Variants in FANCB observed in about 807,000 individuals in gnomAD.
The protein encoded by FANCB is Fanconi anemia group B protein.
FANCB carries 5 observed loss-of-function variants against 38.9 expected under a neutral mutation model. The ratio of observed to expected loss-of-function variants is 0.13; its 90% CI spans 0.07 to 0.27. The LOEUF (loss-of-function observed/expected upper bound fraction) is 0.27, where lower values mean the gene tolerates loss of function less well. Ranked by LOEUF, FANCB falls within the 10% of genes least tolerant of loss-of-function variation. The pLI is 1.00. For missense variants in FANCB, 573 were observed against 602.7 expected (o/e 0.95, Z 0.52); for synonymous variants, 236 against 215.4 (o/e 1.10, Z -0.84).
the FANCB span, among the ~76,000 whole-genome samples, chrX:14,745,268 C>A: frequency 9.0e-6 from 1 of 111,541 alleles, no homozygotes; most frequent in Non-Finnish European, 1.9e-5. Flanking sequence ...GGTTTGGGCT[C>A]CACTGACACA....
the FANCB span, among the ~76,000 whole-genome samples, chrX:14,786,271 G>C: frequency 9.0e-6 from 1 of 111,572 alleles, no homozygotes; most frequent in Non-Finnish European, 1.9e-5. Context: ...CCCAGCAGAT[G>C]GGGGAGGAGG....
the FANCB span, among the ~76,000 whole-genome samples, chrX:14,722,215 C>T: frequency 1.8e-5 from 2 of 111,792 alleles, no homozygotes; most frequent in Admixed American, 1.9e-4. Flanking sequence ...AGTTGTGGTT[C>T]GGGGTCTCTC....
chrX:14,818,940 T>C, the FANCB span, among the ~76,000 whole-genome samples: 1 of 112,607 alleles, frequency 8.9e-6, no homozygotes, highest in Non-Finnish European at 1.9e-5. Context: ...TGAATTCACA[T>C]ACTCAAGTTG....
chrX:14,785,018 GT>G, the FANCB span, among the ~76,000 whole-genome samples: 9 of 111,767 alleles, frequency 8.1e-5, no homozygotes, highest in African/African-American at 2.9e-4. Context: ...CTACTGTGGG[GT>G]GGGGCAAAGG....
At chrX:14,767,439 C>T in the FANCB span, among the ~76,000 whole-genome samples, 5 of 111,839 alleles carry the variant, frequency 4.5e-5, no homozygotes, top group East Asian at 2.8e-4. Context: ...CTCTAATGAT[C>T]GGTGACATTG....
chrX:14,781,904 G>A, the FANCB span, among the ~76,000 whole-genome samples: 1 of 112,024 alleles, frequency 8.9e-6, no homozygotes, highest in African/African-American at 3.2e-5. Context: ...TATCCTAGGG[G>A]CCTTATCCAA....
At chrX:14,768,399 G>A in the FANCB span, among the ~76,000 whole-genome samples, 6 of 111,183 alleles carry the variant, frequency 5.4e-5, no homozygotes, top group Non-Finnish European at 7.5e-5. Context: ...TGTATTCATA[G>A]GTATTTTATT....
chrX:14,785,803 G>A, the FANCB span, among the ~76,000 whole-genome samples: 1 of 111,286 alleles, frequency 9.0e-6, no homozygotes, highest in African/African-American at 3.3e-5. Context: ...ACAATCACAG[G>A]ACTACAGTAC....
chrX:14,824,484 A>T, the FANCB span, among the ~76,000 whole-genome samples: 1 of 112,066 alleles, frequency 8.9e-6, no homozygotes, highest in Admixed American at 9.4e-5. Context: ...ATTAAAGGAC[A>T]TTTAGGTTGT....
intron 9 of FANCB, 138 bp from the exon 10 acceptor site, chrX:14,844,119 T>C (rs376894598): frequency 3.0e-5 from 15 of 501,325 alleles, no homozygotes; most frequent in Non-Finnish European, 4.9e-5. Context: ...TACGTGAGCA[T>C]TGATAAAATT....
At chrX:14,737,353 A>G in the FANCB span, among the ~76,000 whole-genome samples, 2 of 112,457 alleles carry the variant, frequency 1.8e-5, no homozygotes, top group South Asian at 3.7e-4. Flanking sequence ...CAAAGATATT[A>G]ATCAGTATTC....
the FANCB span, among the ~76,000 whole-genome samples, chrX:14,715,870 A>G: frequency 7.1e-5 from 8 of 111,927 alleles, no homozygotes; most frequent in East Asian, 5.6e-4. Context: ...AATGGAAGCA[A>G]TGGTCCAACG....
the FANCB span, among the ~76,000 whole-genome samples, chrX:14,790,862 G>T: frequency 6.3e-5 from 7 of 111,459 alleles, no homozygotes; most frequent in East Asian, 2.0e-3. Context: ...GCCAAAATTG[G>T]GATGGTTAGT....
the FANCB span, among the ~76,000 whole-genome samples, chrX:14,794,613 G>T: frequency 9.8e-5 from 11 of 112,090 alleles, no homozygotes; most frequent in African/African-American, 3.6e-4. Flanking sequence ...AGAGATTCTG[G>T]GAGATTAAGT....
At chrX:14,793,092 A>G in the FANCB span, among the ~76,000 whole-genome samples, 1 of 112,236 alleles carries the variant, frequency 8.9e-6, no homozygotes, top group African/African-American at 3.2e-5. Flanking sequence ...CTTTATTTCA[A>G]TAAGCCAAGC....
the FANCB span, among the ~76,000 whole-genome samples, chrX:14,775,158 ATGTTTT>A: frequency 3.0e-3 from 85 of 28,476 alleles, no homozygotes; most frequent in African/African-American, 9.5e-3. Flanking sequence ...TATTTCTCTA[ATGTTTT>A]TTTTTTTTTT....
the FANCB span, among the ~76,000 whole-genome samples, chrX:14,694,864 A>T: frequency 5.4e-5 from 6 of 111,908 alleles, no homozygotes. Flanking sequence ...GAGAAGATGA[A>T]TTGAATATGA....
the FANCB span, among the ~76,000 whole-genome samples, chrX:14,734,299 C>T: frequency 8.9e-6 from 1 of 112,038 alleles, no homozygotes; most frequent in Non-Finnish European, 1.9e-5. Context: ...GGTAACCATT[C>T]AGAAGCCACC....
the FANCB span, among the ~76,000 whole-genome samples, chrX:14,754,107 A>G: frequency 6.2e-5 from 7 of 112,221 alleles, no homozygotes; most frequent in Non-Finnish European, 1.3e-4. Context: ...AGGATCTGGT[A>G]GCCAATGCAT....
Sources: allele counts gnomAD v4.1 joint callset (sites outside exome capture counted in the v4.1 genomes callset), GRCh38; gene constraint gnomAD v4.1.1; transcripts MANE v1.5; gene names NCBI Gene and HGNC (gene_info 2026-07-23, HGNC 2026-07-21).